Variants in GPC5 observed in about 807,000 individuals in gnomAD.
GPC5 encodes the protein glypican-5.
GPC5 carries 47 observed loss-of-function variants against 53.9 expected under a neutral mutation model. The ratio of observed to expected loss-of-function variants is 0.87; its 90% CI spans 0.69 to 1.11. GPC5 has a LOEUF of 1.11. Among genes scored for constraint, GPC5 ranks in the 50% most tolerant of loss-of-function variants. The pLI is 0.00. For missense variants in GPC5, 748 were observed against 713.1 expected, an observed-to-expected ratio of 1.05 and a Z score of -0.56; for synonymous variants, 286 against 263.3, an observed-to-expected ratio of 1.09 and a Z score of -0.84.
chr13:91,607,980 A>C (rs2033427609), intron 2 of GPC5, among the ~76,000 whole-genome samples: 1 of 152,226 alleles, frequency 6.6e-6, no homozygotes, highest in Admixed American at 6.5e-5. Context: ...CTTTTAGTTC[A>C]ACAAGCATTA....
chr13:91,783,246 C>T (rs1401552274), intron 5 of GPC5, among the ~76,000 whole-genome samples: 1 of 151,264 alleles, frequency 6.6e-6, no homozygotes, highest in Non-Finnish European at 1.5e-5. Flanking sequence ...AAGAGTGAAA[C>T]TCCATCTCAA....
chr13:91,848,851 C>G (rs2038881043), intron 5 of GPC5, among the ~76,000 whole-genome samples: 1 of 152,068 alleles, frequency 6.6e-6, no homozygotes, highest in Admixed American at 6.6e-5. Flanking sequence ...ACAATTTTAG[C>G]TTTGTATAAT....
At chr13:91,734,630 G>A (rs2036775167) in intron 4 of GPC5, among the ~76,000 whole-genome samples, 1 of 151,584 alleles carries the variant, frequency 6.6e-6, no homozygotes, top group Non-Finnish European at 1.5e-5. Context: ...TTTTACTTAT[G>A]CAAGGTTCTT....
intron 6 of GPC5, among the ~76,000 whole-genome samples, chr13:92,143,676 A>G (rs986077792): frequency 1.3e-5 from 2 of 152,138 alleles, no homozygotes; most frequent in Admixed American, 6.5e-5. Flanking sequence ...TAAAATTTGT[A>G]CTGTTTAATT....
At chr13:92,225,272 A>G (rs1289880792) in intron 7 of GPC5, among the ~76,000 whole-genome samples, 2 of 152,222 alleles carry the variant, frequency 1.3e-5, no homozygotes, top group Non-Finnish European at 2.9e-5. Context: ...GTGTATGCAC[A>G]TCACCTCTTC....
At chr13:92,164,462 A>C (rs1319311212) in intron 7 of GPC5, among the ~76,000 whole-genome samples, 18 of 152,062 alleles carry the variant, frequency 1.2e-4, no homozygotes, top group Admixed American at 1.2e-3. Flanking sequence ...AAAATTCCAA[A>C]ATGTTCTCCT....
chr13:92,349,404 C>G (rs571799294), intron 7 of GPC5, among the ~76,000 whole-genome samples: 1 of 151,646 alleles, frequency 6.6e-6, no homozygotes, highest in Admixed American at 6.6e-5. Flanking sequence ...CTTGGCCTCC[C>G]AAAGTGCTAG....
At chr13:92,670,023 A>T (rs984712927) in intron 7 of GPC5, among the ~76,000 whole-genome samples, 2 of 152,170 alleles carry the variant, frequency 1.3e-5, no homozygotes, top group African/African-American at 4.8e-5. Flanking sequence ...TCCTCTTAAC[A>T]TATAAACTCC....
At chr13:92,644,453 T>TATATAAGC (rs1885700321) in intron 7 of GPC5, among the ~76,000 whole-genome samples, 2 of 152,158 alleles carry the variant, frequency 1.3e-5, no homozygotes, top group Admixed American at 1.3e-4. Context: ...GAAATCTGTC[T>TATATAAGC]ATATAAGCTG....
At chr13:92,241,975 G>C (rs941012893) in intron 7 of GPC5, 2 of 152,190 alleles carry the variant, frequency 1.3e-5, no homozygotes, top group African/African-American at 4.8e-5. Flanking sequence ...GCTCATGCCT[G>C]TAATCTTAGC....
chr13:91,800,264 T>A (rs1409311919), intron 5 of GPC5, among the ~76,000 whole-genome samples: 1 of 152,114 alleles, frequency 6.6e-6, no homozygotes, highest in Non-Finnish European at 1.5e-5. Context: ...ATTTGTAAAT[T>A]TATGTACCTG....
At chr13:91,538,520 C>T (rs114883283) in intron 2 of GPC5, among the ~76,000 whole-genome samples, 2,583 of 151,506 alleles carry the variant, frequency 0.017, 71 homozygotes, top group African/African-American at 0.059. Flanking sequence ...TTTTATTTTA[C>T]TATTGCTAAA....
chr13:92,474,502 A>T (rs1293215056), intron 7 of GPC5, among the ~76,000 whole-genome samples: 1 of 152,002 alleles, frequency 6.6e-6, no homozygotes, highest in Non-Finnish European at 1.5e-5. Flanking sequence ...GTCATCCCAT[A>T]TGAGATGAAT....
At chr13:92,350,569 C>CA (rs1430938028) in intron 7 of GPC5, among the ~76,000 whole-genome samples, 4 of 152,014 alleles carry the variant, frequency 2.6e-5, no homozygotes, top group African/African-American at 7.2e-5. Context: ...TCAAATGGCC[C>CA]AAAATCTCAG....
intron 7 of GPC5, among the ~76,000 whole-genome samples, chr13:92,222,154 AT>A (rs1260748232): frequency 2.0e-5 from 3 of 152,130 alleles, no homozygotes; most frequent in Admixed American, 1.3e-4. Context: ...CAATTCTATA[AT>A]CTGTAGGCAT....
At chr13:91,853,314 T>C (rs2038934044) in intron 5 of GPC5, among the ~76,000 whole-genome samples, 1 of 152,078 alleles carries the variant, frequency 6.6e-6, no homozygotes, top group Admixed American at 6.6e-5. Flanking sequence ...GGAAGAATTT[T>C]ATTCCTTTTT....
intron 7 of GPC5, among the ~76,000 whole-genome samples, chr13:92,702,940 C>G (rs1887802162): frequency 6.6e-6 from 1 of 151,940 alleles, no homozygotes; most frequent in Non-Finnish European, 1.5e-5. Flanking sequence ...ACACTGGCTG[C>G]TTGACCTGCC....
intron 5 of GPC5, among the ~76,000 whole-genome samples, chr13:91,830,906 A>G (rs2038647488): frequency 7.4e-6 from 1 of 135,490 alleles, no homozygotes; most frequent in South Asian, 2.1e-4. Flanking sequence ...ATATCCTATT[A>G]TATATAATAT....
intron 7 of GPC5, among the ~76,000 whole-genome samples, chr13:92,238,443 C>T (rs574449134): frequency 9.9e-5 from 15 of 152,142 alleles, no homozygotes; most frequent in Admixed American, 3.3e-4. Context: ...ATTTCCATTT[C>T]CCTGATGGCC....
Sources: gnomAD v4.1 joint callset for allele counts (sites outside exome capture counted in the v4.1 genomes callset) on GRCh38, gnomAD v4.1.1 for gene constraint, MANE v1.5 for transcripts, NCBI Gene and HGNC (gene_info 2026-07-23, HGNC 2026-07-21) for gene names.